FRMPD4: variants seen among roughly 807,000 people sequenced by gnomAD.
FRMPD4 encodes the protein FERM and PDZ domain-containing protein 4.
Under a neutral mutation model 94.1 loss-of-function variants are expected in FRMPD4, and 22 were observed. That is an observed-to-expected ratio of 0.23 (90% CI 0.17 to 0.33). The LOEUF is 0.33. FRMPD4 is among the 10% of genes least tolerant of loss of function. The probability of loss-of-function intolerance (pLI) is 1.00; values close to 1 mark genes in which losing one functional copy is unlikely to be tolerated. For missense variants in FRMPD4, 1,111 were observed against 1,339.9 expected (o/e 0.83, Z 2.67); for synonymous variants, 631 against 548.6 (o/e 1.15, Z -2.10).
chrX:11,932,411 A>T (rs1291457283), intron 3 of FRMPD4, among the ~76,000 whole-genome samples: 1 of 111,796 alleles, frequency 8.9e-6, no homozygotes, highest in African/African-American at 3.2e-5. Context: ...CCTGAAAGTC[A>T]TAAGTTTTCT....
chrX:12,276,022 CA>C (rs777987426), intron 1 of FRMPD4, among the ~76,000 whole-genome samples: 2 of 111,627 alleles, frequency 1.8e-5, no homozygotes, highest in East Asian at 2.8e-4. Flanking sequence ...ACTTAGTTCA[CA>C]AAAACCTTGC....
intron 9 of FRMPD4, among the ~76,000 whole-genome samples, chrX:12,697,095 C>G (rs768377098): frequency 8.9e-6 from 1 of 112,573 alleles, no homozygotes; most frequent in African/African-American, 3.2e-5. Flanking sequence ...AAGTCAAGTC[C>G]TGTTCAATGA....
chrX:12,431,023 C>T (rs1426460683), intron 1 of FRMPD4, among the ~76,000 whole-genome samples: 1 of 112,321 alleles, frequency 8.9e-6, no homozygotes, highest in African/African-American at 3.2e-5. Flanking sequence ...CCAAATTGCA[C>T]ATTAAACATA....
intron 2 of FRMPD4, among the ~76,000 whole-genome samples, chrX:12,506,521 T>A (rs2057986869): frequency 8.9e-6 from 1 of 111,909 alleles, no homozygotes; most frequent in Admixed American, 9.5e-5. Context: ...TCTCTTGACC[T>A]CGTGATCTGC....
intron 1 of FRMPD4, among the ~76,000 whole-genome samples, chrX:12,262,103 C>A (rs1216708208): frequency 1.8e-5 from 2 of 111,284 alleles, no homozygotes; most frequent in Non-Finnish European, 3.8e-5. Flanking sequence ...CTGACCAAAT[C>A]TTGTCCCCTG....
chrX:11,929,810 T>A (rs1162375137), intron 3 of FRMPD4, among the ~76,000 whole-genome samples: 1 of 110,491 alleles, frequency 9.1e-6, no homozygotes, highest in Non-Finnish European at 1.9e-5. Flanking sequence ...AGAATTCTAG[T>A]CAAAAGAGCA....
intron 3 of FRMPD4, among the ~76,000 whole-genome samples, chrX:11,905,939 T>C (rs2053964682): frequency 9.0e-6 from 1 of 110,709 alleles, no homozygotes; most frequent in Non-Finnish European, 1.9e-5. Context: ...ATGTGAAATG[T>C]AAATTTCAAG....
chrX:11,859,505 A>G (rs1312771990), intron 1 of FRMPD4, among the ~76,000 whole-genome samples: 2 of 112,117 alleles, frequency 1.8e-5, no homozygotes, highest in East Asian at 5.6e-4. Context: ...GAATTGCTTC[A>G]TTTTGCATAA....
intron 3 of FRMPD4, among the ~76,000 whole-genome samples, chrX:11,930,888 G>A (rs986569886): frequency 9.0e-6 from 1 of 110,736 alleles, no homozygotes; most frequent in Non-Finnish European, 1.9e-5. Flanking sequence ...TGCTTGAGGA[G>A]TAGGTCAATG....
intron 3 of FRMPD4, among the ~76,000 whole-genome samples, chrX:11,881,857 C>T (rs911498444): frequency 8.9e-6 from 1 of 111,797 alleles, no homozygotes; most frequent in African/African-American, 3.3e-5. Context: ...AACACAAACA[C>T]GAATAAGTAT....
intron 1 of FRMPD4, among the ~76,000 whole-genome samples, chrX:12,495,652 A>G (rs1322909398): frequency 9.0e-6 from 1 of 111,315 alleles, no homozygotes; most frequent in African/African-American, 3.3e-5. Context: ...TCCTGGGACT[A>G]TGCTTCTCAA....
rs1401787701 is a variant in FRMPD4 at position 12,053,422 on chromosome X, GA to G, written c.95+175407del. 3.1e-3 allele frequency among the ~76,000 whole-genome samples: 282 copies of G among 92,009 alleles called. 1 individual carries two copies. The highest frequency in any genetic ancestry group is 8.0e-3 in the East Asian group (22 of 2,751). 79.9% of individuals were successfully genotyped at this position (92,009 alleles called of 115,157 possible). ...AGAAAGAAAGAAAGAAAGAAAGAAA[GA>G]AAGAAAGAGAAAGAAAGAAGAGAAG... is the stretch of plus-strand genomic sequence containing the variant. On this transcript the variant is annotated intron_variant, in intron 3 of 18. Transcript: ENST00000640291.
In FRMPD4 at chrX:12,713,765, C is replaced by T. The variant is rs774864759; in HGVS notation, c.1610-2304C>T. Among the ~76,000 whole-genome samples, 4 of 112,028 alleles carry T rather than the reference C, an allele frequency of 3.6e-5. No homozygotes were observed. In the East Asian group the frequency reaches 1.1e-3, roughly 31 times the overall value. On this transcript the variant is annotated intron_variant, in intron 14 of 16. Coordinates refer to ENST00000675598, the MANE Select transcript of FRMPD4 (RefSeq NM_001368397.1). ...TAGATCCCAGCCCCCAAACCACATTCTTCCTTGTCTCCAAAATTATTCCAG... is the reference window on the plus strand; with the variant it reads ...TAGATCCCAGCCCCCAAACCACATTTTTCCTTGTCTCCAAAATTATTCCAG...
At chrX:11,926,947 G>C (rs779930695) in intron 3 of FRMPD4, among the ~76,000 whole-genome samples, 2 of 111,335 alleles carry the variant, frequency 1.8e-5, no homozygotes, top group South Asian at 7.6e-4. Flanking sequence ...TAGGGAGAGA[G>C]GAAGTCAAAC....
chrX:12,068,208 G>C (rs1390008485), intron 3 of FRMPD4, among the ~76,000 whole-genome samples: 2 of 111,747 alleles, frequency 1.8e-5, no homozygotes, highest in Admixed American at 1.9e-4. Flanking sequence ...CTCTCCTACA[G>C]ACTCTAGACG....
At chrX:12,145,190 T>C (rs1037900367) in intron 1 of FRMPD4, among the ~76,000 whole-genome samples, 5 of 112,006 alleles carry the variant, frequency 4.5e-5, no homozygotes, top group African/African-American at 1.6e-4. Flanking sequence ...ATTTTCCTAA[T>C]GAATGTAGGA....
intron 1 of FRMPD4, among the ~76,000 whole-genome samples, chrX:11,852,655 C>T (rs1230945206): frequency 1.3e-4 from 14 of 109,860 alleles, no homozygotes; most frequent in African/African-American, 4.0e-4. Context: ...TCCAAAAAGA[C>T]AAAAAAGGGA....
chrX:12,377,607 A>C (rs2056256985), intron 1 of FRMPD4, among the ~76,000 whole-genome samples: 1 of 112,549 alleles, frequency 8.9e-6, no homozygotes, highest in Admixed American at 9.4e-5. Context: ...GCAGCATGAC[A>C]TTCTGCTCAC....
At chrX:11,826,006 T>C (rs1020861330) in intron 1 of FRMPD4, among the ~76,000 whole-genome samples, 1 of 112,534 alleles carries the variant, frequency 8.9e-6, no homozygotes, top group Non-Finnish European at 1.9e-5. Flanking sequence ...GACAAAATAA[T>C]ATCTGATCAA....
Sources: gnomAD v4.1 joint callset for allele counts (sites outside exome capture counted in the v4.1 genomes callset) on GRCh38, gnomAD v4.1.1 for gene constraint, MANE v1.5 for transcripts, NCBI Gene and HGNC (gene_info 2026-07-23, HGNC 2026-07-21) for gene names.